C8B: variants seen among roughly 807,000 people sequenced by gnomAD.
C8B encodes the protein complement component C8 beta chain.
In C8B, 67 loss-of-function variants were observed where a neutral mutation model predicts 64.6. That is an observed-to-expected ratio of 1.04 (90% confidence interval 0.85 to 1.27). The LOEUF (loss-of-function observed/expected upper bound fraction) is 1.27, where lower values mean the gene tolerates loss of function less well. Among genes scored for constraint, C8B ranks in the 50% most tolerant of loss-of-function variants. C8B has a pLI of 0.00. For synonymous variants in C8B, 284 were observed against 257.7 expected, an observed-to-expected ratio of 1.10 and a Z score of -0.98; for missense variants, 790 against 725.2, an observed-to-expected ratio of 1.09 and a Z score of -1.03.
At chr1:56,959,672 T>TA (rs1209642270) in intron 2 of C8B, 1 of 1,498,482 alleles carries the variant, frequency 6.7e-7, no homozygotes, top group Non-Finnish European at 9.0e-7. Flanking sequence ...GGGTCATGGG[T>TA]AGACTGTGAA....
intron 6 of C8B, among the ~76,000 whole-genome samples, chr1:56,947,303 C>T (rs991334015): frequency 1.3e-5 from 2 of 152,188 alleles, no homozygotes; most frequent in South Asian, 2.1e-4. Flanking sequence ...CTGGCTTCAG[C>T]TTCTACACTC....
In C8B at chr1:56,929,580, A is replaced by G. The variant is rs1331968746; in HGVS notation, c.1622-22T>C. 1.9e-6 allele frequency: 3 copies of G among 1,610,454 alleles called. No individual in the cohort carries two copies. In the Admixed American group the frequency reaches 5.0e-5, roughly 27 times the overall value. On this transcript the variant is annotated intron_variant, in intron 11 of 11. Coordinates refer to ENST00000371237, the MANE Select transcript of C8B (RefSeq NM_000066.4). ...GTATCTATAAGAAAGAAGGTCAATA[A>G]GCATCAATCAGCACTTCTTATATTC...
intron 6 of C8B, among the ~76,000 whole-genome samples, chr1:56,947,927 T>C (rs1644965927): frequency 7.0e-6 from 1 of 142,922 alleles, no homozygotes; most frequent in Non-Finnish European, 1.5e-5. Context: ...CAAGACTCTG[T>C]CTCAAAAACA....
At chr1:56,935,980 C>T (rs186438753) in intron 9 of C8B, among the ~76,000 whole-genome samples, 84 of 152,298 alleles carry the variant, frequency 5.5e-4, no homozygotes, top group Admixed American at 5.5e-3. Flanking sequence ...GATAAAATGG[C>T]TTCTTACATC....
rs770244658 is a variant in C8B at position 56,946,050 on chromosome 1, A to G, written c.876T>C (p.Phe292=). The stretch of plus-strand genomic sequence containing the variant: ...CTTCAAGGTCAGAGCGTGCATGCAG[A>G]AATACGCTTTTCTAAATGAAATACC... ...TKRFSHTKSV[F]LHARSDLEVA... is the part of the protein sequence containing the mutation. Residue 292 remains phenylalanine, a synonymous_variant, in exon 7 of 12, where the codon TTT becomes TTC. Coordinates refer to ENST00000371237, the MANE Select transcript of C8B (RefSeq NM_000066.4). 2 of 1,614,148 alleles carry G rather than the reference A, an allele frequency of 1.2e-6. No homozygotes were observed. The highest frequency in any genetic ancestry group is 1.7e-6 in the Non-Finnish European group (2 of 1,180,008).
intron 10 of C8B, among the ~76,000 whole-genome samples, 198 bp downstream of exon 10, chr1:56,933,137 C>T (rs1364803057): frequency 2.6e-5 from 4 of 152,182 alleles, no homozygotes; most frequent in Non-Finnish European, 5.9e-5. Flanking sequence ...TCTCAGCCTG[C>T]TACTGTCTTC....
At position 56,929,278 on chromosome 1, in the gene C8B, A is replaced by G; in HGVS notation, c.*126T>C. ...ACAAGGTAACATCTTTATTTTAAACAGCTTGCATGGCACTGCCTTTTGCCC... is the reference window on the plus strand; with the variant it reads ...ACAAGGTAACATCTTTATTTTAAACGGCTTGCATGGCACTGCCTTTTGCCC... On this transcript the variant is annotated 3_prime_UTR_variant, in exon 12 of 12. Coordinates refer to ENST00000371237, the MANE Select transcript of C8B (RefSeq NM_000066.4). 5 of 934,202 alleles carry G rather than the reference A, an allele frequency of 5.4e-6. No homozygotes were observed. The highest frequency in any genetic ancestry group is 2.4e-5 in the East Asian group (1 of 41,564). The allele number at this position is 934,202 out of a possible 1,614,324, so 57.9% of individuals were successfully genotyped here.
At chr1:56,949,485 T>A in intron 6 of C8B, 70 bp downstream of exon 6, 1 of 1,304,570 alleles carries the variant, frequency 7.7e-7, no homozygotes, top group East Asian at 2.3e-5. Flanking sequence ...CATTCTGTGG[T>A]GTTTTGTTAC....
chr1:56,929,431 A>C lies in C8B; in HGVS notation c.1749T>G (p.Pro583=). The part of the protein sequence containing the change: ...PQNGGSPCSG[P]ASETLDCS Reference sequence around the variant, plus strand: ...AGGAGCAGTCAAGTGTTTCTGAAGCAGGGCCTGAACAGGGGCTACCCCCAT... The same window carrying C: ...AGGAGCAGTCAAGTGTTTCTGAAGCCGGGCCTGAACAGGGGCTACCCCCAT... Residue 583 remains proline (P), a synonymous_variant, in exon 12 of 12, where the codon CCT becomes CCG. Transcript: ENST00000371237. The C allele has an allele frequency of 6.2e-7, 1 of 1,612,438 alleles. No individual in the cohort carries two copies.
intron 9 of C8B, among the ~76,000 whole-genome samples, chr1:56,937,048 G>T (rs1644785781): frequency 1.3e-5 from 2 of 152,150 alleles, no homozygotes; most frequent in African/African-American, 4.8e-5. Flanking sequence ...TTGATACCTT[G>T]CTTTGAGAAA....
chr1:56,940,348 A>C (rs1644833453), intron 9 of C8B, among the ~76,000 whole-genome samples: 1 of 151,840 alleles, frequency 6.6e-6, no homozygotes, highest in African/African-American at 2.4e-5. Flanking sequence ...TGGGAGGATC[A>C]CTTGAGGTCA....
Position 56,963,995 on chromosome 1 carries a change from T to C in C8B, c.92+1862A>G, listed in dbSNP as rs1014053878. On this transcript the variant is annotated intron_variant, in intron 1 of 11. Transcript: ENST00000371237. ...TACTCGCAGATGGAATTCAAATACC[T>C]GTCGTGTTCAAGACAGCCCCATGGG... The C allele has an allele frequency of 5.0e-5, 49 of 985,234 alleles. No individual in the cohort carries two copies. The Admixed American group carries it at 9.2e-4, about 19-fold the overall frequency. 61.0% of individuals were successfully genotyped at this position (985,234 alleles called of 1,614,324 possible).
At chr1:56,951,006 G>T (rs1350090469) in intron 5 of C8B, among the ~76,000 whole-genome samples, 3 of 152,146 alleles carry the variant, frequency 2.0e-5, no homozygotes, top group Admixed American at 6.5e-5. Flanking sequence ...AGCCAAATTT[G>T]TTCTTTCTTG....
At chr1:56,961,207 C>T (rs1209656402) in intron 1 of C8B, among the ~76,000 whole-genome samples, 1 of 152,050 alleles carries the variant, frequency 6.6e-6, no homozygotes, top group African/African-American at 2.4e-5. Context: ...TTTTTTCTTA[C>T]AATTGAAAGG....
At chr1:56,931,461 T>G (rs1383242615) in intron 11 of C8B, 3 of 333,826 alleles carry the variant, frequency 9.0e-6, no homozygotes, top group African/African-American at 4.3e-5. Context: ...AGAGGAATTT[T>G]TTATGGAGGA....
chr1:56,957,223 T>A (rs1253162949), intron 2 of C8B, among the ~76,000 whole-genome samples: 1 of 152,208 alleles, frequency 6.6e-6, no homozygotes, highest in African/African-American at 2.4e-5. Context: ...CAGCCCATGC[T>A]GACTCCATGG....
rs753865056 is a variant in C8B, at chr1:56,941,010, T to C, written c.1237A>G (p.Arg413Gly). The C allele has an allele frequency of 6.2e-6, 10 of 1,614,046 alleles. No individual in the cohort carries two copies. In the South Asian group the frequency reaches 1.1e-4, roughly 18 times the overall value. Residue 413 changes from arginine (R) to glycine (G), a missense_variant and splice_region_variant, in exon 9 of 12, where the codon AGA (arginine) becomes GGA (glycine). Physicochemically the swap from Arg to Gly is moderately radical, Grantham distance 125 (BLOSUM62 -2). Coordinates refer to ENST00000371237, the MANE Select transcript of C8B (RefSeq NM_000066.4). ...CRGILNEIKD[R>G]NKRDTMVEDL... is the part of the protein sequence containing the mutation. ...TCCACCATGGTGTCCCTCTTGTTTC[T>C]GTCTGGAATGGACACAGAGCTAGCA...
chr1:56,951,099 G>A (rs1334198832), intron 5 of C8B, among the ~76,000 whole-genome samples: 1 of 152,164 alleles, frequency 6.6e-6, no homozygotes, highest in Non-Finnish European at 1.5e-5. Flanking sequence ...ACATTTTAAA[G>A]ACAGGATCTT....
At chr1:56,940,823 A>G (rs941623118) in intron 9 of C8B, 26 bp downstream of exon 9, 47 of 1,613,892 alleles carry the variant, frequency 2.9e-5, no homozygotes, top group Non-Finnish European at 3.9e-5. Context: ...GGTGGAGGAA[A>G]GGATGGGTAG....
Sources: allele counts gnomAD v4.1 joint callset (sites outside exome capture counted in the v4.1 genomes callset), GRCh38; gene constraint gnomAD v4.1.1; transcripts MANE v1.5; gene names NCBI Gene and HGNC (gene_info 2026-07-23, HGNC 2026-07-21).